SGCZ: variants seen among roughly 807,000 people sequenced by gnomAD.
SGCZ encodes the protein sarcoglycan zeta.
Under a neutral mutation model 41.3 loss-of-function variants are expected in SGCZ, and 40 were observed. The observed-to-expected ratio is 0.97, with a 90% CI of 0.75 to 1.26. SGCZ has a LOEUF of 1.26. Ranked by LOEUF, SGCZ falls within the 50% of genes most tolerant of loss-of-function variation. The probability of loss-of-function intolerance (pLI) is 0.00; values close to 1 mark genes in which losing one functional copy is unlikely to be tolerated. For missense variants in SGCZ, 552 were observed against 369.8 expected (o/e 1.49, Z -4.04); for synonymous variants, 206 against 137.5 (o/e 1.50, Z -3.49).
At chr8:14,933,496 A>G (rs957019843) in intron 1 of SGCZ, among the ~76,000 whole-genome samples, 1 of 136,070 alleles carries the variant, frequency 7.3e-6, no homozygotes, top group East Asian at 2.1e-4. Context: ...CAGTCGCACC[A>G]TCTCTGCTCA....
At chr8:14,959,777 C>G (rs1271437399) in intron 1 of SGCZ, among the ~76,000 whole-genome samples, 1 of 152,126 alleles carries the variant, frequency 6.6e-6, no homozygotes, top group East Asian at 1.9e-4. Context: ...CTTTCACCAC[C>G]TACTTATTGG....
At chr8:15,065,413 G>A (rs111579883) in intron 1 of SGCZ, among the ~76,000 whole-genome samples, 4,075 of 125,160 alleles carry the variant, frequency 0.033, 69 homozygotes, top group Non-Finnish European at 0.043. Context: ...ACATGGTATT[G>A]TAATTATTAT....
chr8:14,263,586 AATAC>A (rs1303007657), intron 3 of SGCZ, among the ~76,000 whole-genome samples: 3 of 152,066 alleles, frequency 2.0e-5, no homozygotes, highest in Non-Finnish European at 2.9e-5. Flanking sequence ...TAAATGAATA[AATAC>A]ATAAATAAAA....
chr8:14,215,665 CTA>C (rs1462398801), intron 4 of SGCZ, among the ~76,000 whole-genome samples: 1 of 152,002 alleles, frequency 6.6e-6, no homozygotes, highest in Non-Finnish European at 1.5e-5. Context: ...GACCATATCA[CTA>C]TAGATAGTTT....
intron 1 of SGCZ, among the ~76,000 whole-genome samples, chr8:15,198,446 A>G (rs897258420): frequency 6.6e-6 from 1 of 152,176 alleles, no homozygotes; most frequent in African/African-American, 2.4e-5. Flanking sequence ...ACTCATTCTA[A>G]TAAGAAGCTA....
intron 4 of SGCZ, among the ~76,000 whole-genome samples, chr8:14,231,859 T>C (rs1331748637): frequency 6.6e-6 from 1 of 152,116 alleles, no homozygotes; most frequent in African/African-American, 2.4e-5. Context: ...TTTGGTTACA[T>C]TTCCTTTTAC....
At chr8:14,607,697 G>GCGACCCCCGA (rs1805796815) in intron 1 of SGCZ, among the ~76,000 whole-genome samples, 1 of 106,586 alleles carries the variant, frequency 9.4e-6, no homozygotes. Context: ...TCAACTCGTG[G>GCGACCCCCGA]GATCTACACA....
At chr8:14,396,854 T>C (rs1255234080) in intron 2 of SGCZ, among the ~76,000 whole-genome samples, 1 of 152,014 alleles carries the variant, frequency 6.6e-6, no homozygotes, top group Non-Finnish European at 1.5e-5. Context: ...AGAGATCAAA[T>C]AGCATTATTG....
At chr8:14,410,139 A>T (rs1288200957) in intron 2 of SGCZ, among the ~76,000 whole-genome samples, 1 of 152,088 alleles carries the variant, frequency 6.6e-6, no homozygotes, top group Non-Finnish European at 1.5e-5. Context: ...CATGCTAGGG[A>T]TCTAGATTGT....
intron 4 of SGCZ, among the ~76,000 whole-genome samples, chr8:14,168,503 T>A (rs1470971956): frequency 6.6e-6 from 1 of 152,036 alleles, no homozygotes; most frequent in Non-Finnish European, 1.5e-5. Context: ...TCTCATGAGA[T>A]CTGATGGTTT....
chr8:15,235,491 C>A (rs1441061500), intron 1 of SGCZ, among the ~76,000 whole-genome samples: 1 of 152,134 alleles, frequency 6.6e-6, no homozygotes, highest in African/African-American at 2.4e-5. Flanking sequence ...TGCCAATATA[C>A]CCCCTCATGC....
chr8:14,824,259 C>T (rs980434195), intron 1 of SGCZ, among the ~76,000 whole-genome samples: 3 of 151,886 alleles, frequency 2.0e-5, no homozygotes, highest in Non-Finnish European at 4.4e-5. Flanking sequence ...ATGTTCTCAC[C>T]ACAAATAAAT....
chr8:14,312,610 A>G (rs1801585152), intron 3 of SGCZ, among the ~76,000 whole-genome samples: 1 of 152,084 alleles, frequency 6.6e-6, no homozygotes, highest in African/African-American at 2.4e-5. Context: ...AGCCTAGACA[A>G]CATAGCTAGA....
intron 1 of SGCZ, among the ~76,000 whole-genome samples, chr8:14,876,876 C>T (rs116667920): frequency 7.9e-5 from 12 of 152,144 alleles, no homozygotes; most frequent in African/African-American, 2.2e-4. Flanking sequence ...GAGGTCCCCC[C>T]GCCCTGCAAT....
chr8:14,188,824 G>GTT (rs145555540), intron 4 of SGCZ, among the ~76,000 whole-genome samples: 746 of 62,250 alleles, frequency 0.012, 9 homozygotes, highest in African/African-American at 0.016. Flanking sequence ...TTGTTTCTTT[G>GTT]TTTTTTTTTG....
chr8:14,324,592 A>G (rs1802030913), intron 2 of SGCZ, among the ~76,000 whole-genome samples: 1 of 152,178 alleles, frequency 6.6e-6, no homozygotes, highest in Non-Finnish European at 1.5e-5. Flanking sequence ...CATTACAGTT[A>G]TACAAATAAC....
chr8:14,148,515 A>G (rs1409297123), intron 5 of SGCZ, among the ~76,000 whole-genome samples: 2 of 152,046 alleles, frequency 1.3e-5, no homozygotes, highest in Non-Finnish European at 2.9e-5. Flanking sequence ...GACCAATAAG[A>G]AGTACAAGAT....
chr8:14,826,262 C>G (rs1291352543), intron 1 of SGCZ, among the ~76,000 whole-genome samples: 1 of 152,078 alleles, frequency 6.6e-6, no homozygotes, highest in Non-Finnish European at 1.5e-5. Context: ...AGGATATGAA[C>G]TCTTCATTTT....
At chr8:14,609,686 C>T (rs1300450888) in intron 1 of SGCZ, among the ~76,000 whole-genome samples, 2 of 152,144 alleles carry the variant, frequency 1.3e-5, no homozygotes, top group African/African-American at 4.8e-5. Context: ...TGCCAGGCTC[C>T]AGTCCTCTGG....
Sources: gnomAD v4.1 joint callset for allele counts (sites outside exome capture counted in the v4.1 genomes callset) on GRCh38, gnomAD v4.1.1 for gene constraint, MANE v1.5 for transcripts, NCBI Gene and HGNC (gene_info 2026-07-23, HGNC 2026-07-21) for gene names.